RFX3: variants seen among roughly 807,000 people sequenced by gnomAD.
RFX3 encodes the protein transcription factor RFX3.
RFX3 carries 14 observed loss-of-function variants against 98.6 expected under a neutral mutation model. The observed-to-expected ratio is 0.14, with a 90% confidence interval of 0.09 to 0.22. The LOEUF is 0.22. Among genes scored for constraint, RFX3 ranks in the 10% least tolerant of loss-of-function variants. RFX3 has a pLI of 1.00. For synonymous variants in RFX3, 383 were observed against 328.4 expected (o/e 1.17, Z -1.80); for missense variants, 639 against 926.9 (o/e 0.69, Z 4.03).
At chr9:3,265,013 T>G (rs762846904) in intron 12 of RFX3, among the ~76,000 whole-genome samples, 1 of 152,206 alleles carries the variant, frequency 6.6e-6, no homozygotes, top group Admixed American at 6.5e-5. Context: ...CCTTCTTTCT[T>G]GCACACCTCC....
chr9:3,460,909 C>T (rs912447437), intron 1 of RFX3, among the ~76,000 whole-genome samples: 8 of 151,802 alleles, frequency 5.3e-5, no homozygotes, highest in Admixed American at 1.3e-4. Flanking sequence ...GAACTACAAA[C>T]GCCTCTCAAT....
intron 2 of RFX3, among the ~76,000 whole-genome samples, chr9:3,369,995 A>ATTTTTTTTT (rs71324244): frequency 7.5e-6 from 1 of 132,642 alleles, no homozygotes; most frequent in African/African-American, 2.9e-5. Flanking sequence ...CGCCCGGCTA[A>ATTTTTTTTT]TTTTTTTTTT....
In RFX3 at chr9:3,395,461, C is replaced by T. The variant is rs1427596620; in HGVS notation, c.117+11G>A. The stretch of plus-strand genomic sequence containing the variant: ...GTAACAGCATCTTTTCTAAGAGCAG[C>T]AGCTCCTTACCTGTTGTTGTACTGG... On this transcript the variant is annotated intron_variant, in intron 2 of 16. Coordinates refer to ENST00000617270, the MANE Select transcript of RFX3 (RefSeq NM_001282116.2). 1.2e-6 allele frequency: 2 copies of T among 1,611,832 alleles called. No individual in the cohort carries two copies. Among genetic ancestry groups the T allele is most frequent in the African/African-American group, 2.7e-5 (2 of 74,864 alleles).
intron 1 of RFX3, among the ~76,000 whole-genome samples, chr9:3,492,879 T>C (rs1263427571): frequency 2.6e-5 from 4 of 152,290 alleles, no homozygotes; most frequent in African/African-American, 9.6e-5. Flanking sequence ...ATATGCAACA[T>C]TTAAGTATGG....
chr9:3,365,570 C>T (rs926864761), intron 2 of RFX3, among the ~76,000 whole-genome samples: 2 of 152,094 alleles, frequency 1.3e-5, no homozygotes, highest in African/African-American at 2.4e-5. Context: ...CATAATACTC[C>T]TCTAGCAAGG....
intron 15 of RFX3, chr9:3,247,103 T>G: frequency 3.0e-6 from 3 of 985,316 alleles, no homozygotes. Context: ...ATGTCTTTTT[T>G]ACCGCCTTGG....
At chr9:3,329,050 G>A (rs1280057141) in intron 4 of RFX3, among the ~76,000 whole-genome samples, 1 of 152,152 alleles carries the variant, frequency 6.6e-6, no homozygotes, top group Non-Finnish European at 1.5e-5. Flanking sequence ...AAAGTTTGAT[G>A]ATATCAAATT....
intron 4 of RFX3, among the ~76,000 whole-genome samples, chr9:3,317,677 A>C (rs1830784182): frequency 6.6e-6 from 1 of 152,246 alleles, no homozygotes; most frequent in African/African-American, 2.4e-5. Flanking sequence ...TTTACAAGAC[A>C]AAATCAAACA....
At chr9:3,337,509 AGCTAGGG>A (rs1833327337) in intron 3 of RFX3, among the ~76,000 whole-genome samples, 1 of 152,218 alleles carries the variant, frequency 6.6e-6, no homozygotes, top group Admixed American at 6.5e-5. Flanking sequence ...CTAAACAAGG[AGCTAGGG>A]GCACAAAGCA....
intron 9 of RFX3, among the ~76,000 whole-genome samples, chr9:3,271,883 A>C (rs1360656522): frequency 6.6e-6 from 1 of 152,190 alleles, no homozygotes; most frequent in Admixed American, 6.5e-5. Flanking sequence ...CTCTGGGCAT[A>C]GCATTCAACA....
At chr9:3,352,402 C>G (rs1211704371) in intron 2 of RFX3, among the ~76,000 whole-genome samples, 2 of 151,874 alleles carry the variant, frequency 1.3e-5, no homozygotes, top group Non-Finnish European at 2.9e-5. Flanking sequence ...AAACTATCAT[C>G]TTTTATTCTG....
At chr9:3,334,962 A>T (rs150218730) in intron 3 of RFX3, among the ~76,000 whole-genome samples, 3,197 of 152,048 alleles carry the variant, frequency 0.021, 115 homozygotes, top group African/African-American at 0.073. Context: ...TTACTAAAAA[A>T]ATACAAAAAA....
At position 3,317,054 on chromosome 9, in the gene RFX3, T is replaced by C. The variant is rs148018379; in HGVS notation, c.474+13205A>G. ...ATATGGAACCAAAAAAGAGCCCGCATTGCCCAGACAATCCTAAGCCAAAAG... is the reference window on the plus strand; with the variant it reads ...ATATGGAACCAAAAAAGAGCCCGCACTGCCCAGACAATCCTAAGCCAAAAG... On this transcript the variant is annotated intron_variant, in intron 4 of 16. Coordinates refer to ENST00000617270, the MANE Select transcript of RFX3 (RefSeq NM_001282116.2). Among the ~76,000 whole-genome samples the C allele has an allele frequency of 4.9e-4, 74 of 152,280 alleles. No homozygotes were observed. The East Asian group carries it at 0.014, about 29-fold the overall frequency.
chr9:3,445,500 C>T (rs899300598), intron 1 of RFX3, among the ~76,000 whole-genome samples: 1 of 152,158 alleles, frequency 6.6e-6, no homozygotes, highest in Non-Finnish European at 1.5e-5. Flanking sequence ...TCAAGCCCAT[C>T]TGGCTTCATA....
chr9:3,352,369 T>C (rs1835250482), intron 2 of RFX3, among the ~76,000 whole-genome samples: 1 of 151,998 alleles, frequency 6.6e-6, no homozygotes, highest in Admixed American at 6.6e-5. Context: ...CTGAGTGACA[T>C]GAAAAGAGGT....
chr9:3,415,123 T>C (rs1223295070), intron 1 of RFX3, among the ~76,000 whole-genome samples: 1 of 125,722 alleles, frequency 8.0e-6, no homozygotes, highest in Non-Finnish European at 1.6e-5. Flanking sequence ...TATATACTTA[T>C]ATATATACTC....
intron 15 of RFX3, among the ~76,000 whole-genome samples, chr9:3,234,043 G>A (rs1203683937): frequency 6.6e-6 from 1 of 152,140 alleles, no homozygotes; most frequent in Non-Finnish European, 1.5e-5. Flanking sequence ...AGATTTACGG[G>A]TAGGCACATT....
At chr9:3,348,665 C>T (rs977709977) in intron 2 of RFX3, among the ~76,000 whole-genome samples, 2 of 151,810 alleles carry the variant, frequency 1.3e-5, no homozygotes, top group Non-Finnish European at 2.9e-5. Context: ...TGACTTTATC[C>T]CCCAGTACCC....
At chr9:3,340,798 T>G (rs1254267237) in intron 3 of RFX3, among the ~76,000 whole-genome samples, 1 of 152,214 alleles carries the variant, frequency 6.6e-6, no homozygotes, top group Non-Finnish European at 1.5e-5. Context: ...ACTTTTACTC[T>G]GTTGGTGAGA....
Sources: allele counts gnomAD v4.1 joint callset (sites outside exome capture counted in the v4.1 genomes callset), GRCh38; gene constraint gnomAD v4.1.1; transcripts MANE v1.5; gene names NCBI Gene and HGNC (gene_info 2026-07-23, HGNC 2026-07-21).